The following ARHGAP44 variants were observed in gnomAD, a reference collection of about 807,000 sequenced individuals.
ARHGAP44 encodes rho GTPase-activating protein 44.
ARHGAP44 carries 43 observed loss-of-function variants against 106.8 expected under a neutral mutation model. The observed-to-expected ratio is 0.40, with a 90% CI of 0.32 to 0.52. The LOEUF (loss-of-function observed/expected upper bound fraction) is 0.52, where lower values mean the gene tolerates loss of function less well. Among genes scored for constraint, ARHGAP44 ranks in the 20% least tolerant of loss-of-function variants. The pLI is 0.48. For synonymous variants in ARHGAP44, 439 were observed against 410.3 expected (o/e 1.07, Z -0.85); for missense variants, 866 against 1,050.5 (o/e 0.82, Z 2.43).
In ARHGAP44 at chr17:12,952,555, G is replaced by A; in HGVS notation, c.1110G>A (p.Leu370=). 2 of 1,577,266 alleles carry A rather than the reference G, an allele frequency of 1.3e-6. No individual in the cohort carries two copies. Among genetic ancestry groups the A allele is most frequent in the Non-Finnish European group, 1.7e-6 (2 of 1,160,964 alleles). Residue 370 remains leucine, a synonymous_variant, in exon 13 of 21, where the codon TTG becomes TTA. Transcript: ENST00000379672. ...CTCTATGGAATGCTTGTGAAAAGTT[G>A]CCCAAGGCCAATCACAACAACATCC... is the stretch of plus-strand genomic sequence containing the variant. ...LQALWNACEK[L]PKANHNNIRY... is the part of the protein sequence containing the mutation.
intron 16 of ARHGAP44, among the ~76,000 whole-genome samples, chr17:12,961,394 A>G (rs185622387): frequency 8.9e-4 from 136 of 152,364 alleles, no homozygotes; most frequent in African/African-American, 2.9e-3. Flanking sequence ...AATTTATTAC[A>G]TAATGTATTG....
At chr17:12,952,211 C>A (rs1270931089) in intron 12 of ARHGAP44, among the ~76,000 whole-genome samples, 2 of 152,182 alleles carry the variant, frequency 1.3e-5, no homozygotes, top group African/African-American at 4.8e-5. Context: ...GCATCTGTGT[C>A]CTCCTGCAGC....
chr17:12,794,481 C>T (rs929246089), intron 1 of ARHGAP44, among the ~76,000 whole-genome samples: 4 of 152,082 alleles, frequency 2.6e-5, no homozygotes, highest in East Asian at 1.9e-4. Flanking sequence ...TTCTTAGAAA[C>T]GATTTCAACA....
chr17:12,806,829 G>A (rs928115770), intron 1 of ARHGAP44, among the ~76,000 whole-genome samples: 3 of 147,208 alleles, frequency 2.0e-5, no homozygotes, highest in Admixed American at 1.3e-4. Flanking sequence ...GAGCATTTAG[G>A]GATTCATGAA....
In ARHGAP44 at chr17:12,880,590, A is replaced by G. The variant is rs933228844; in HGVS notation, c.54-14350A>G. Among the ~76,000 whole-genome samples, 4 of 151,878 alleles carry G rather than the reference A, an allele frequency of 2.6e-5. 1 individual carries two copies. Among genetic ancestry groups the G allele is most frequent in the Admixed American group, 2.0e-4 (3 of 15,266 alleles). ...CTTTATTTTATTGCTCTTTATTACC[A>G]TATAATATGACATTATGTGAATATA... On this transcript the variant is annotated intron_variant, in intron 1 of 20. Coordinates refer to ENST00000379672, the MANE Select transcript of ARHGAP44 (RefSeq NM_014859.6).
chr17:12,953,909 C>T (rs1465150331), intron 13 of ARHGAP44, among the ~76,000 whole-genome samples: 1 of 152,058 alleles, frequency 6.6e-6, no homozygotes, highest in East Asian at 1.9e-4. Flanking sequence ...TTTCTTGAGA[C>T]AGAGTCTCAC....
At chr17:12,930,545 T>TG (rs2038369772) in intron 7 of ARHGAP44, among the ~76,000 whole-genome samples, 1 of 152,180 alleles carries the variant, frequency 6.6e-6, no homozygotes, top group African/African-American at 2.4e-5. Flanking sequence ...GCCTACCGTC[T>TG]ATTTTTTAAC....
In ARHGAP44 at chr17:12,990,969, G is replaced by A. The variant is rs2040120952; in HGVS notation, c.*798G>A. On this transcript the variant is annotated 3_prime_UTR_variant, in exon 21 of 21. Coordinates refer to ENST00000379672, the MANE Select transcript of ARHGAP44 (RefSeq NM_014859.6). ...AATTTTACCCCTCTACGTACCTAAAGGCACCCAGTTCACTAGTCTGTGGGG... is the reference window on the plus strand; with the variant it reads ...AATTTTACCCCTCTACGTACCTAAAAGCACCCAGTTCACTAGTCTGTGGGG... 6.6e-6 allele frequency: 1 copy of A among 152,626 alleles called. No homozygotes were observed. The highest frequency in any genetic ancestry group is 2.4e-5 in the African/African-American group (1 of 41,460). The allele number at this position is 152,626 out of a possible 1,614,324, so 9.5% of individuals were successfully genotyped here.
At chr17:12,886,317 A>G (rs764516337) in intron 1 of ARHGAP44, among the ~76,000 whole-genome samples, 3 of 152,124 alleles carry the variant, frequency 2.0e-5, no homozygotes, top group Non-Finnish European at 4.4e-5. Flanking sequence ...TTTCCTTTGT[A>G]CTTTCGTATC....
chr17:12,927,170 G>A (rs2150964254), intron 6 of ARHGAP44, among the ~76,000 whole-genome samples: 1 of 152,138 alleles, frequency 6.6e-6, no homozygotes, highest in Middle Eastern at 3.4e-3. Flanking sequence ...TTGGAATCAG[G>A]AATCTTTCAG....
At chr17:12,806,205 C>T (rs893914483) in intron 1 of ARHGAP44, among the ~76,000 whole-genome samples, 2 of 151,996 alleles carry the variant, frequency 1.3e-5, no homozygotes, top group East Asian at 1.9e-4. Context: ...GTGCTCATGG[C>T]GTGATGAGAA....
At chr17:12,968,928 C>T (rs558553383) in intron 16 of ARHGAP44, among the ~76,000 whole-genome samples, 2 of 152,128 alleles carry the variant, frequency 1.3e-5, no homozygotes, top group South Asian at 4.1e-4. Flanking sequence ...CACCACCACG[C>T]CCGGCTAATT....
At chr17:12,934,682 G>A (rs2038493352) in intron 7 of ARHGAP44, among the ~76,000 whole-genome samples, 1 of 92,208 alleles carries the variant, frequency 1.1e-5, no homozygotes, top group Admixed American at 1.3e-4. Context: ...GAGGACTTGG[G>A]GGCAATGAAA....
At chr17:12,962,452 T>C (rs2039285828) in intron 16 of ARHGAP44, among the ~76,000 whole-genome samples, 1 of 152,210 alleles carries the variant, frequency 6.6e-6, no homozygotes. Flanking sequence ...CCATATTTCC[T>C]TATTTTGGAA....
Position 12,980,214 on chromosome 17 carries a change from T to C in ARHGAP44, c.1920T>C (p.Ser640=). 2 of 1,612,706 alleles carry C rather than the reference T, an allele frequency of 1.2e-6. No homozygotes were observed. Among genetic ancestry groups the C allele is most frequent in the Non-Finnish European group, 8.5e-7 (1 of 1,179,668 alleles). ...CCAGCCAGCCGCCTGCAGACCAGAG[T>C]CCTCACACCCTCCGGAAAGGTATGG... ...PSPSQPPADQ[S]PHTLRKVSKK... is the part of the protein sequence containing the mutation. The change falls in exon 19 of 21, where the codon AGT becomes AGC. Residue 640 remains serine, a synonymous_variant. Coordinates refer to ENST00000379672, the MANE Select transcript of ARHGAP44 (RefSeq NM_014859.6).
chr17:12,966,305 G>A (rs897722777), intron 16 of ARHGAP44, among the ~76,000 whole-genome samples: 6 of 140,186 alleles, frequency 4.3e-5, no homozygotes, highest in South Asian at 2.2e-4. Flanking sequence ...TTTGGTTTAG[G>A]GTTGTCTACA....
intron 2 of ARHGAP44, 61 bp from the exon 3 acceptor site, chr17:12,896,346 C>T (rs2037204693): frequency 7.1e-7 from 1 of 1,417,250 alleles, no homozygotes; most frequent in East Asian, 2.5e-5. Flanking sequence ...TCCACACCCA[C>T]AATCCCTCCT....
At chr17:12,973,398 C>T in intron 17 of ARHGAP44, 79 bp downstream of exon 17, 1 of 1,478,570 alleles carries the variant, frequency 6.8e-7, no homozygotes, top group Non-Finnish European at 9.3e-7. Context: ...TGAGTTCCAC[C>T]AGAGGGTGAA....
At chr17:12,862,570 A>G (rs1039095123) in intron 1 of ARHGAP44, among the ~76,000 whole-genome samples, 1 of 152,228 alleles carries the variant, frequency 6.6e-6, no homozygotes, top group Non-Finnish European at 1.5e-5. Flanking sequence ...CCCAGGGATC[A>G]TAATCTTTCA....
Sources: allele counts gnomAD v4.1 joint callset (sites outside exome capture counted in the v4.1 genomes callset), GRCh38; gene constraint gnomAD v4.1.1; transcripts MANE v1.5; gene names NCBI Gene and HGNC (gene_info 2026-07-23, HGNC 2026-07-21).